GRM1: variants seen among roughly 807,000 people sequenced by gnomAD.
The protein encoded by GRM1 is metabotropic glutamate receptor 1.
A neutral mutation model predicts 90.9 loss-of-function variants in GRM1; 33 were observed. The ratio of observed to expected loss-of-function variants is 0.36; its 90% confidence interval spans 0.28 to 0.49. GRM1 has a LOEUF of 0.49. Ranked by LOEUF, GRM1 falls within the 20% of genes least tolerant of loss-of-function variation. The pLI is 0.99. For synonymous variants in GRM1, 700 were observed against 613.2 expected (o/e 1.14, Z -2.09); for missense variants, 1,190 against 1,534.3 (o/e 0.78, Z 3.75).
rs146391951 is a variant in GRM1 at position 146,038,710 on chromosome 6, GACAGCATA to G, written c.700+8494_700+8501del. Among the ~76,000 whole-genome samples, 764 of 151,668 alleles carry G rather than the reference GACAGCATA, an allele frequency of 5.0e-3. 4 individuals are homozygous for G. Among genetic ancestry groups the G allele is most frequent in the African/African-American group, 0.018 (743 of 41,408 alleles). Reference sequence around the variant, plus strand: ...GCCCTCAATGCAAATCTTTTGATTGGACAGCATATTCCACAGCTATTGTTAAACAATCA... The same window carrying G: ...GCCCTCAATGCAAATCTTTTGATTGGTTCCACAGCTATTGTTAAACAATCA... On this transcript the variant is annotated intron_variant, in intron 1 of 7. Transcript: ENST00000282753.
chr6:146,105,847 G>A (rs1280218241), intron 1 of GRM1, among the ~76,000 whole-genome samples: 1 of 152,044 alleles, frequency 6.6e-6, no homozygotes, highest in Non-Finnish European at 1.5e-5. Flanking sequence ...TGACAGATTG[G>A]GACTCCACAG....
At chr6:146,028,073 G>T (rs1371134280), upstream of GRM1, among the ~76,000 whole-genome samples, 1 of 152,114 alleles carries the variant, frequency 6.6e-6, no homozygotes, top group Admixed American at 6.5e-5. Context: ...GAGAAAAGGA[G>T]CAGGGGAGGA....
chr6:146,207,301 C>A (rs1442157874), intron 2 of GRM1, among the ~76,000 whole-genome samples: 1 of 151,858 alleles, frequency 6.6e-6, no homozygotes, highest in Non-Finnish European at 1.5e-5. Flanking sequence ...TTTGTAATAA[C>A]AACTCATTGT....
intron 1 of GRM1, among the ~76,000 whole-genome samples, chr6:146,053,461 A>T (rs1026132512): frequency 6.6e-6 from 1 of 152,086 alleles, no homozygotes; most frequent in Non-Finnish European, 1.5e-5. Flanking sequence ...AGATTATAGG[A>T]TCGACTTAGA....
At chr6:146,423,525 G>A (rs190190986) in intron 7 of GRM1, among the ~76,000 whole-genome samples, 1 of 150,658 alleles carries the variant, frequency 6.6e-6, no homozygotes, top group East Asian at 1.9e-4. Flanking sequence ...TGGGATTACT[G>A]AGTTACTGTG....
intron 1 of GRM1, among the ~76,000 whole-genome samples, chr6:146,133,724 C>T (rs1776497816): frequency 6.6e-6 from 1 of 152,150 alleles, no homozygotes; most frequent in Non-Finnish European, 1.5e-5. Context: ...ACAAAATCAA[C>T]CTTTTGTGCA....
At chr6:146,412,678 C>A (rs1777614419) in intron 7 of GRM1, among the ~76,000 whole-genome samples, 2 of 152,298 alleles carry the variant, frequency 1.3e-5, no homozygotes, top group South Asian at 4.1e-4. Flanking sequence ...ACATGTACTA[C>A]ATCTATATTT....
chr6:146,078,074 A>G (rs1300848893), intron 1 of GRM1, among the ~76,000 whole-genome samples: 2 of 152,252 alleles, frequency 1.3e-5, no homozygotes, highest in Non-Finnish European at 2.9e-5. Flanking sequence ...TCAACAAAAT[A>G]TAAGCAAAAG....
At chr6:146,267,734 TCG>T in intron 2 of GRM1, among the ~76,000 whole-genome samples, 1 of 150,698 alleles carries the variant, frequency 6.6e-6, no homozygotes, top group South Asian at 2.1e-4. Flanking sequence ...TCGTCTCGTC[TCG>T]TCTCGTCTCG....
chr6:146,075,405 A>T (rs1204742748), intron 1 of GRM1, among the ~76,000 whole-genome samples: 1 of 152,206 alleles, frequency 6.6e-6, no homozygotes, highest in African/African-American at 2.4e-5. Context: ...TTCTCCTGGA[A>T]AAAGGCAATA....
chr6:146,112,467 T>G (rs1479412497), intron 1 of GRM1, among the ~76,000 whole-genome samples: 2 of 152,162 alleles, frequency 1.3e-5, no homozygotes, highest in Non-Finnish European at 2.9e-5. Context: ...GGTTTATTTC[T>G]TCTTAGAAAT....
At chr6:146,346,825 G>T (rs1191072502) in intron 3 of GRM1, among the ~76,000 whole-genome samples, 1 of 152,136 alleles carries the variant, frequency 6.6e-6, no homozygotes, top group Non-Finnish European at 1.5e-5. Context: ...TATCAAATTA[G>T]GTATTGAATA....
chr6:146,106,676 C>G (rs549898162), intron 1 of GRM1, among the ~76,000 whole-genome samples: 25 of 152,336 alleles, frequency 1.6e-4, no homozygotes, highest in Non-Finnish European at 2.9e-4. Context: ...CATTGACCTT[C>G]CCAGTGACTG....
intron 1 of GRM1, among the ~76,000 whole-genome samples, chr6:146,035,389 G>A (rs1287891607): frequency 2.0e-5 from 3 of 151,914 alleles, no homozygotes; most frequent in Admixed American, 1.3e-4. Flanking sequence ...GTGAGTGGAC[G>A]AAAGAAAAGC....
In GRM1 at chr6:146,070,553, T is replaced by G. The variant is rs141442895; in HGVS notation, c.700+40336T>G. On this transcript the variant is annotated intron_variant, in intron 1 of 7. Coordinates refer to ENST00000282753, the MANE Select transcript of GRM1 (RefSeq NM_001278064.2). ...CGTAGTTTTGGTACCTGATTTCTAG[T>G]CTGGGAGAAGGTTCCCTATGGAACC... is the stretch of plus-strand genomic sequence containing the variant. 4.1e-4 allele frequency among the ~76,000 whole-genome samples: 63 copies of G among 152,272 alleles called. 1 individual carries two copies. The East Asian group carries it at 0.011, about 27-fold the overall frequency.
chr6:146,028,727 C>T (rs986273025), upstream of GRM1, among the ~76,000 whole-genome samples: 1 of 152,110 alleles, frequency 6.6e-6, no homozygotes, highest in Non-Finnish European at 1.5e-5. Flanking sequence ...TTCTTCAACC[C>T]CTCAAAATTA....
At chr6:146,055,767 T>G (rs768985958) in intron 1 of GRM1, among the ~76,000 whole-genome samples, 1 of 152,166 alleles carries the variant, frequency 6.6e-6, no homozygotes, top group African/African-American at 2.4e-5. Context: ...GATTGCCAAC[T>G]AAAATGAAAA....
intron 1 of GRM1, among the ~76,000 whole-genome samples, chr6:146,156,251 C>A (rs1244716285): frequency 6.6e-6 from 1 of 152,050 alleles, no homozygotes; most frequent in African/African-American, 2.4e-5. Flanking sequence ...ACTAAAAATA[C>A]AAAAATTAGC....
chr6:146,312,276 G>T (rs1343277710), intron 3 of GRM1, among the ~76,000 whole-genome samples: 1 of 140,778 alleles, frequency 7.1e-6, no homozygotes, highest in Non-Finnish European at 1.5e-5. Flanking sequence ...AGGAGGCGGA[G>T]CTTGCAGTGA....
Sources: allele counts gnomAD v4.1 joint callset (sites outside exome capture counted in the v4.1 genomes callset), GRCh38; gene constraint gnomAD v4.1.1; transcripts MANE v1.5; gene names NCBI Gene and HGNC (gene_info 2026-07-23, HGNC 2026-07-21).